The following MTMR8 variants were observed in gnomAD, a reference collection of about 807,000 sequenced individuals.
The protein encoded by MTMR8 is myotubularin related protein 8, also known as phosphatidylinositol-3,5-bisphosphate 3-phosphatase MTMR8.
MTMR8 carries 65 observed loss-of-function variants against 39.3 expected under a neutral mutation model. That is an observed-to-expected ratio of 1.65 (90% confidence interval 1.35 to 2.03). The LOEUF (loss-of-function observed/expected upper bound fraction) is 2.03, where lower values mean the gene tolerates loss of function less well. Ranked by LOEUF, MTMR8 falls within the 30% of genes most tolerant of loss-of-function variation. The probability of loss-of-function intolerance (pLI) is 0.00; values close to 1 mark genes in which losing one functional copy is unlikely to be tolerated. For synonymous variants in MTMR8, 245 were observed against 185.2 expected, an observed-to-expected ratio of 1.32 and a Z score of -2.62; for missense variants, 777 against 538.9, an observed-to-expected ratio of 1.44 and a Z score of -4.37.
At chrX:64,359,078 T>C (rs972810309) in intron 2 of MTMR8, among the ~76,000 whole-genome samples, 3 of 111,190 alleles carry the variant, frequency 2.7e-5, no homozygotes, top group Non-Finnish European at 5.7e-5. Flanking sequence ...AACTATATTT[T>C]ATGGGCAGCA....
chrX:64,297,762 G>A (rs1310826749), intron 12 of MTMR8, among the ~76,000 whole-genome samples: 1 of 110,598 alleles, frequency 9.0e-6, no homozygotes, highest in Non-Finnish European at 1.9e-5. Flanking sequence ...TTTTGTATAA[G>A]GTGTAAGGAA....
At chrX:64,393,840 T>C (rs1012415005) in intron 1 of MTMR8, among the ~76,000 whole-genome samples, 1 of 112,401 alleles carries the variant, frequency 8.9e-6, no homozygotes, top group African/African-American at 3.2e-5. Context: ...CAAAGTTTTA[T>C]GCTAAAAAGT....
chrX:64,354,471 T>A (rs1923569402), intron 4 of MTMR8, among the ~76,000 whole-genome samples: 1 of 111,111 alleles, frequency 9.0e-6, no homozygotes, highest in African/African-American at 3.3e-5. Context: ...AAATAAAAAA[T>A]GTTAAAATAA....
rs781575160 is a variant in MTMR8, at chrX:64,356,199, G to A, written c.287C>T (p.Ser96Leu). 1 of 1,207,253 alleles carries A rather than the reference G, an allele frequency of 8.3e-7. No homozygotes were observed. Among genetic ancestry groups the A allele is most frequent in the African/African-American group, 1.7e-5 (1 of 57,557 alleles). ...ACCTGGCTGAGAAAGCTTGAGCAGT[G>A]AAATATAAACCTCATGGCACACAAG... ...SDLVCHEVYISLLKLSQPALP... is the reference protein window; with the variant it reads ...SDLVCHEVYILLLKLSQPALP... Residue 96 changes from serine to leucine, a missense_variant, in exon 3 of 14, where the codon TCA becomes TTA. By Grantham distance (145) the Ser-to-Leu change is moderately radical. Transcript: ENST00000374852.
chrX:64,359,487 T>C lies in MTMR8; in HGVS notation c.65A>G (p.Lys22Arg). Residue 22 changes from lysine (K) to arginine (R), a missense_variant, in exon 2 of 14, where the codon AAA becomes AGA. Lys to Arg is a conservative substitution (Grantham distance 26, BLOSUM62 2). Coordinates refer to ENST00000374852, the MANE Select transcript of MTMR8 (RefSeq NM_017677.4). ...AAGATAAAGAATCCCATTAGCTGGTTTCTTACTCACATAACGATCCACCAA... is the reference window on the plus strand; with the variant it reads ...AAGATAAAGAATCCCATTAGCTGGTCTCTTACTCACATAACGATCCACCAA... Reference protein sequence around the residue: ...VKLVDRYVSKKPANGILYLTA... With the variant: ...VKLVDRYVSKRPANGILYLTA... The C allele has an allele frequency of 2.5e-6, 3 of 1,207,575 alleles. No homozygotes were observed. Among genetic ancestry groups the C allele is most frequent in the Non-Finnish European group, 3.4e-6 (3 of 892,842 alleles).
chrX:64,283,610 C>T (rs1255423595), intron 12 of MTMR8, among the ~76,000 whole-genome samples: 1 of 111,987 alleles, frequency 8.9e-6, no homozygotes, highest in Non-Finnish European at 1.9e-5. Flanking sequence ...CAGCTGGGTA[C>T]CCCTCTGAGA....
intron 12 of MTMR8, among the ~76,000 whole-genome samples, chrX:64,311,233 G>C (rs766311475): frequency 2.3e-4 from 26 of 111,808 alleles, no homozygotes; most frequent in Non-Finnish European, 4.3e-4. Flanking sequence ...GTTTTGATTT[G>C]CATTTCTCTG....
chrX:64,282,254 T>C (rs1198333890), intron 12 of MTMR8, among the ~76,000 whole-genome samples: 1 of 111,283 alleles, frequency 9.0e-6, no homozygotes, highest in Non-Finnish European at 1.9e-5. Context: ...AATTATATTA[T>C]AAAGATATAA....
chrX:64,340,369 C>T (rs1322191989), intron 8 of MTMR8, among the ~76,000 whole-genome samples: 2 of 111,268 alleles, frequency 1.8e-5, no homozygotes, highest in Non-Finnish European at 3.8e-5. Flanking sequence ...CGGGAAGAAC[C>T]AGGATGGAAA....
chrX:64,324,814 CAAAAAAAA>C (rs758476355), intron 12 of MTMR8, among the ~76,000 whole-genome samples: 17 of 28,739 alleles, frequency 5.9e-4, no homozygotes, highest in African/African-American at 1.1e-3. Context: ...TGTTGCTCAC[CAAAAAAAA>C]AAAAAAAAAA....
Position 64,331,573 on chromosome X carries a change from C to T in MTMR8, c.1336G>A (p.Asp446Asn), listed in dbSNP as rs1425310557. 1 of 1,208,334 alleles carries T rather than the reference C, an allele frequency of 8.3e-7. No individual in the cohort carries two copies. Among genetic ancestry groups the T allele is most frequent in the Non-Finnish European group, 1.1e-6 (1 of 894,231 alleles). Residue 446 changes from aspartate to asparagine, a missense_variant, in exon 11 of 14, where the codon GAT becomes AAT. Transcript: ENST00000374852. The stretch of plus-strand genomic sequence containing the variant: ...TAAATTCACCTTAGATCTTCCCGAT[C>T]CTTCTGGCAGTTACCAAGGAAGTTT... The part of the protein sequence containing the change: ...FGNFLGNCQK[D>N]REDLRVYEKT...
chrX:64,331,775 A>C lies in MTMR8; in HGVS notation c.1152-18T>G. 8.7e-7 allele frequency: 1 copy of C among 1,151,546 alleles called. No individual in the cohort carries two copies. Among genetic ancestry groups the C allele is most frequent in the Non-Finnish European group, 1.2e-6 (1 of 844,053 alleles). 94.9% of individuals were successfully genotyped at this position (1,151,546 alleles called of 1,213,427 possible). On this transcript the variant is annotated intron_variant, in intron 10 of 13. Transcript: ENST00000374852. ...GGCCACACCTGAGAGATGAAAATAA[A>C]GGTAAAGAAAGACACTAGTTAGCAT...
intron 2 of MTMR8, 47 bp downstream of exon 2, chrX:64,359,358 A>G (rs1923715236): frequency 1.7e-6 from 2 of 1,157,764 alleles, no homozygotes; most frequent in African/African-American, 3.6e-5. Flanking sequence ...GAGAGCATGT[A>G]TGCACAACTC....
chrX:64,312,351 T>A (rs998491428), intron 12 of MTMR8, among the ~76,000 whole-genome samples: 1 of 111,703 alleles, frequency 9.0e-6, no homozygotes, highest in African/African-American at 3.3e-5. Flanking sequence ...GCACATTGAT[T>A]TTGCATCCTG....
intron 12 of MTMR8, among the ~76,000 whole-genome samples, chrX:64,326,083 G>A (rs765022650): frequency 6.2e-4 from 69 of 111,709 alleles, no homozygotes; most frequent in African/African-American, 2.1e-3. Context: ...TTAAGCTAAA[G>A]AAAAAATTAT....
intron 12 of MTMR8, among the ~76,000 whole-genome samples, chrX:64,309,928 C>G (rs1922243244): frequency 8.9e-6 from 1 of 111,963 alleles, no homozygotes; most frequent in Non-Finnish European, 1.9e-5. Flanking sequence ...GGTGGGAAGT[C>G]TTGCCTCGAC....
intron 4 of MTMR8, among the ~76,000 whole-genome samples, chrX:64,350,958 T>TA (rs1171827454): frequency 3.6e-5 from 4 of 110,577 alleles, no homozygotes; most frequent in South Asian, 3.9e-4. Context: ...CAGGCAAAAA[T>TA]AAAAAAAGTT....
At chrX:64,297,408 A>T (rs374874331) in intron 12 of MTMR8, among the ~76,000 whole-genome samples, 1 of 101,319 alleles carries the variant, frequency 9.9e-6, no homozygotes, top group Admixed American at 1.1e-4. Context: ...CATGTCCTTC[A>T]CCCACTTTTT....
intron 1 of MTMR8, among the ~76,000 whole-genome samples, chrX:64,366,544 T>C (rs1405798088): frequency 8.9e-6 from 1 of 112,042 alleles, no homozygotes; most frequent in Non-Finnish European, 1.9e-5. Context: ...AATAAAGATG[T>C]TCTTTGAAAC....
Sources: gnomAD v4.1 joint callset for allele counts (sites outside exome capture counted in the v4.1 genomes callset) on GRCh38, gnomAD v4.1.1 for gene constraint, MANE v1.5 for transcripts, NCBI Gene and HGNC (gene_info 2026-07-23, HGNC 2026-07-21) for gene names.